The following ABCC9 variants were observed in gnomAD, a reference collection of about 807,000 sequenced individuals.
ABCC9 encodes the protein ATP-binding cassette sub-family C member 9.
A neutral mutation model predicts 188.3 loss-of-function variants in ABCC9; 95 were observed. The ratio of observed to expected loss-of-function variants is 0.50; its 90% CI spans 0.43 to 0.60. ABCC9 has a LOEUF of 0.60. Ranked by LOEUF, ABCC9 falls within the 20% of genes least tolerant of loss-of-function variation. ABCC9 has a pLI of 0.00. For synonymous variants in ABCC9, 659 were observed against 652.7 expected, an observed-to-expected ratio of 1.01 and a Z score of -0.15; for missense variants, 1,102 against 1,876.3, an observed-to-expected ratio of 0.59 and a Z score of 7.62.
In ABCC9 at chr12:21,859,672, G is replaced by A. The variant is rs2137495899; in HGVS notation, c.2425-6C>T. 1 of 1,613,316 alleles carries A rather than the reference G, an allele frequency of 6.2e-7. No individual in the cohort carries two copies. Among genetic ancestry groups the A allele is most frequent in the East Asian group, 2.2e-5 (1 of 44,866 alleles). On this transcript the variant is annotated splice_region_variant and splice_polypyrimidine_tract_variant and intron_variant, in intron 21 of 39. Coordinates refer to ENST00000261200, the MANE Select transcript of ABCC9 (RefSeq NM_020297.4). ...CCCCCACTCAGGTTGATGCCCTAGA[G>A]AAGAGACACCCCCAAATACCCATTT... is the stretch of plus-strand genomic sequence containing the variant.
Position 21,862,986 on chromosome 12 carries a change from T to C in ABCC9, c.2306A>G (p.Asn769Ser). Residue 769 changes from asparagine (N) to serine (S), a missense_variant, in exon 20 of 40, where the codon AAT becomes AGT. Asn to Ser is a conservative substitution (Grantham distance 46). Transcript: ENST00000261200. ...GTTAAAAGGACTTCCAAAAGTAATA[T>C]TTTCTTCTACTGTAGCATTTAATAG... is the stretch of plus-strand genomic sequence containing the variant. ...PWLLNATVEENITFGSPFNKQ... is the reference protein window; with the variant it reads ...PWLLNATVEESITFGSPFNKQ... The C allele has an allele frequency of 1.2e-6, 2 of 1,612,584 alleles. No homozygotes were observed. The highest frequency in any genetic ancestry group is 1.7e-6 in the Non-Finnish European group (2 of 1,178,874).
At chr12:21,835,825 A>G (rs936642146) in intron 30 of ABCC9, among the ~76,000 whole-genome samples, 3 of 152,144 alleles carry the variant, frequency 2.0e-5, no homozygotes, top group Non-Finnish European at 4.4e-5. Flanking sequence ...TAGACATCAG[A>G]CCTGTATACC....
At chr12:21,862,880 A>G (rs1206093456) in intron 20 of ABCC9, 73 bp downstream of exon 20, 8 of 991,618 alleles carry the variant, frequency 8.1e-6, no homozygotes, top group Non-Finnish European at 1.3e-5. Flanking sequence ...TCCAGAAACC[A>G]TTGTTCATTC....
At chr12:21,811,576 C>T (rs1942240145) in intron 36 of ABCC9, among the ~76,000 whole-genome samples, 1 of 151,762 alleles carries the variant, frequency 6.6e-6, no homozygotes, top group Non-Finnish European at 1.5e-5. Context: ...GGTTGATATC[C>T]CCCCCGCCCT....
intron 4 of ABCC9, among the ~76,000 whole-genome samples, chr12:21,928,948 C>T (rs1382090704): frequency 6.6e-6 from 1 of 152,044 alleles, no homozygotes; most frequent in East Asian, 1.9e-4. Context: ...TGTCCCATTA[C>T]AGCAGAAAGT....
chr12:21,899,734 G>C (rs892276115), intron 12 of ABCC9, among the ~76,000 whole-genome samples: 1 of 152,248 alleles, frequency 6.6e-6, no homozygotes, highest in East Asian at 1.9e-4. Flanking sequence ...GTCTGAGATC[G>C]AACTGTAAGG....
Position 21,800,931 on chromosome 12 carries a change from G to A in ABCC9, c.*113C>T. The A allele has an allele frequency of 7.8e-7, 1 of 1,281,866 alleles. No homozygotes were observed. The allele number at this position is 1,281,866 out of a possible 1,614,324, so 79.4% of individuals were successfully genotyped here. A position where few individuals can be genotyped will look rare whatever the true frequency, so the allele number is the denominator to read the frequency against. ...GGAAAAATAAATGTCCACTTTTTGTGCAAAAATCTGTAAAAGTTTTAAGAT... is the reference window on the plus strand; with the variant it reads ...GGAAAAATAAATGTCCACTTTTTGTACAAAAATCTGTAAAAGTTTTAAGAT... On this transcript the variant is annotated 3_prime_UTR_variant, in exon 40 of 40. Transcript: ENST00000261200.
chr12:21,824,487 AGGATGATGCTG>A (rs1565704128), intron 31 of ABCC9, among the ~76,000 whole-genome samples: 2 of 152,218 alleles, frequency 1.3e-5, no homozygotes, highest in Non-Finnish European at 2.9e-5. Flanking sequence ...TTTTGGCATC[AGGATGATGCTG>A]GCCTCATAAA....
intron 14 of ABCC9, among the ~76,000 whole-genome samples, chr12:21,892,857 A>G (rs749595019): frequency 6.6e-6 from 1 of 152,180 alleles, no homozygotes; most frequent in Non-Finnish European, 1.5e-5. Flanking sequence ...ACACCAGCAC[A>G]ATTATCTCAT....
chr12:21,861,180 C>G (rs1945485605), intron 20 of ABCC9, 125 bp from the exon 21 acceptor site: 1 of 770,762 alleles, frequency 1.3e-6, no homozygotes, highest in Non-Finnish European at 2.3e-6. Context: ...ATATGCCAGC[C>G]TCTGCTCTAC....
chr12:21,848,044 C>T, intron 25 of ABCC9, 106 bp downstream of exon 25: 1 of 934,678 alleles, frequency 1.1e-6, no homozygotes, highest in Non-Finnish European at 1.7e-6. Flanking sequence ...TAATTTTTTC[C>T]CCTGGCAAAG....
At chr12:21,921,006 A>G (rs959797515) in intron 5 of ABCC9, among the ~76,000 whole-genome samples, 2 of 152,010 alleles carry the variant, frequency 1.3e-5, no homozygotes, top group Non-Finnish European at 1.5e-5. Flanking sequence ...AATCTTAGCT[A>G]TTGTGAACAG....
chr12:21,856,497 A>T (rs921060797), intron 22 of ABCC9, among the ~76,000 whole-genome samples: 1 of 52,956 alleles, frequency 1.9e-5, no homozygotes, highest in Admixed American at 2.7e-4. Flanking sequence ...GATGCAATGA[A>T]GTTTTCAAAA....
chr12:21,860,895 C>G (rs1945469763), intron 21 of ABCC9, 76 bp downstream of exon 21: 1 of 1,183,082 alleles, frequency 8.5e-7, no homozygotes, highest in Admixed American at 1.7e-5. Context: ...TCATGATTCT[C>G]TATTAAAGAT....
chr12:21,810,039 A>G, intron 36 of ABCC9, 84 bp from the exon 37 acceptor site: 1 of 872,726 alleles, frequency 1.1e-6, no homozygotes, highest in Non-Finnish European at 1.9e-6. Context: ...TTCTTTCCTT[A>G]CAATGTAAGT....
At chr12:21,920,178 A>G (rs902563653) in intron 5 of ABCC9, among the ~76,000 whole-genome samples, 4 of 152,058 alleles carry the variant, frequency 2.6e-5, no homozygotes, top group African/African-American at 9.7e-5. Flanking sequence ...AAAATCAGGA[A>G]CCAGAGAGGA....
chr12:21,897,819 C>T (rs1316199533), intron 12 of ABCC9, among the ~76,000 whole-genome samples: 1 of 150,268 alleles, frequency 6.7e-6, no homozygotes, highest in African/African-American at 2.5e-5. Context: ...TACTGCTCTC[C>T]CCTAGGATGA....
chr12:21,848,288 A>T, intron 24 of ABCC9, 42 bp from the exon 25 acceptor site: 1 of 1,543,410 alleles, frequency 6.5e-7, no homozygotes, highest in African/African-American at 1.4e-5. Context: ...GCTAACACCA[A>T]TAGGTTGTGA....
intron 27 of ABCC9, 72 bp downstream of exon 27, chr12:21,844,695 A>G (rs1648970069): frequency 1.3e-6 from 2 of 1,598,410 alleles, no homozygotes; most frequent in South Asian, 1.1e-5. Context: ...TAACTTTCAC[A>G]TTCCACTTAA....
Sources: gnomAD v4.1 joint callset for allele counts (sites outside exome capture counted in the v4.1 genomes callset) on GRCh38, gnomAD v4.1.1 for gene constraint, MANE v1.5 for transcripts, NCBI Gene and HGNC (gene_info 2026-07-23, HGNC 2026-07-21) for gene names.